The following DACH1 variants were observed in gnomAD, a reference collection of about 807,000 sequenced individuals.
DACH1 encodes the protein dachshund homolog 1.
In DACH1, 12 loss-of-function variants were observed where a neutral mutation model predicts 54.2. That is an observed-to-expected ratio of 0.22 (90% confidence interval 0.14 to 0.36). The LOEUF is 0.36. Ranked by LOEUF, DACH1 falls within the 10% of genes least tolerant of loss-of-function variation. The pLI is 1.00. For synonymous variants in DACH1, 386 were observed against 366.2 expected (o/e 1.05, Z -0.62); for missense variants, 805 against 929.8 (o/e 0.87, Z 1.75).
At chr13:71,864,161 T>C (rs1269294459) in intron 1 of DACH1, among the ~76,000 whole-genome samples, 1 of 128,518 alleles carries the variant, frequency 7.8e-6, no homozygotes, top group Non-Finnish European at 1.6e-5. Flanking sequence ...GTCCATACTT[T>C]TGAGCGCGCG....
intron 1 of DACH1, among the ~76,000 whole-genome samples, chr13:71,730,975 T>G (rs1375632149): frequency 6.6e-6 from 1 of 152,038 alleles, no homozygotes; most frequent in African/African-American, 2.4e-5. Context: ...ATATTTTAAT[T>G]TATATTTTTT....
chr13:71,548,311 T>C (rs1168859477), intron 6 of DACH1, among the ~76,000 whole-genome samples: 1 of 152,188 alleles, frequency 6.6e-6, no homozygotes, highest in Admixed American at 6.5e-5. Context: ...TCAAAATATA[T>C]GCAGTTTCAG....
intron 1 of DACH1, among the ~76,000 whole-genome samples, chr13:71,810,946 C>T (rs1307769776): frequency 1.3e-5 from 2 of 152,044 alleles, no homozygotes; most frequent in African/African-American, 4.8e-5. Flanking sequence ...ACCAATATCC[C>T]AGCTCAACAG....
chr13:71,619,806 G>C (rs1048676292), intron 3 of DACH1, among the ~76,000 whole-genome samples: 4 of 151,786 alleles, frequency 2.6e-5, no homozygotes, highest in African/African-American at 7.2e-5. Flanking sequence ...ATCAAGTAAG[G>C]ATTCTAAACA....
rs182984834 is a variant in DACH1, at chr13:71,438,261, C to G, written c.*2394G>C. ...TTCTGTTCCAAGGGCTTGCATAGAG[C>G]GCAAATGTGGTTATAATATAGAACA... On this transcript the variant is annotated 3_prime_UTR_variant, in exon 11 of 11. Transcript: ENST00000613252. 2 of 152,120 alleles carry G rather than the reference C, an allele frequency of 1.3e-5. No individual in the cohort carries two copies. Among genetic ancestry groups the G allele is most frequent in the African/African-American group, 2.4e-5 (1 of 41,350 alleles). 9.4% of individuals were successfully genotyped at this position (152,120 alleles called of 1,614,324 possible). A position where few individuals can be genotyped will look rare whatever the true frequency, so the allele number is the denominator to read the frequency against.
chr13:71,652,268 T>C (rs2138626040), intron 2 of DACH1, among the ~76,000 whole-genome samples: 1 of 152,224 alleles, frequency 6.6e-6, no homozygotes, highest in Non-Finnish European at 1.5e-5. Context: ...ATCGTTACTG[T>C]CCCTTTATCT....
chr13:71,633,539 A>C (rs1877257393), intron 2 of DACH1, among the ~76,000 whole-genome samples: 2 of 152,054 alleles, frequency 1.3e-5, no homozygotes, highest in Admixed American at 1.3e-4. Flanking sequence ...TTATTTTTCT[A>C]TGACAGCTTT....
intron 1 of DACH1, among the ~76,000 whole-genome samples, chr13:71,791,086 A>G (rs1039098824): frequency 6.6e-6 from 1 of 152,210 alleles, no homozygotes; most frequent in Non-Finnish European, 1.5e-5. Context: ...ACTTCCCAAG[A>G]TAGCATTTCT....
chr13:71,796,703 G>A (rs1255790726), intron 1 of DACH1, among the ~76,000 whole-genome samples: 1 of 152,008 alleles, frequency 6.6e-6, no homozygotes, highest in Non-Finnish European at 1.5e-5. Context: ...AAATCACATA[G>A]AGACACATCA....
At chr13:71,721,751 TATC>T (rs1883238465) in intron 1 of DACH1, among the ~76,000 whole-genome samples, 1 of 152,244 alleles carries the variant, frequency 6.6e-6, no homozygotes, top group South Asian at 2.1e-4. Flanking sequence ...GAAATCCTCA[TATC>T]ATTTTTTCTT....
chr13:71,550,400 A>T (rs9592801), intron 6 of DACH1, among the ~76,000 whole-genome samples: 4,023 of 152,262 alleles, frequency 0.026, 64 homozygotes, highest in Middle Eastern at 0.075. Context: ...ACTAGTGGAT[A>T]GGAAGGCATA....
At chr13:71,767,598 A>G (rs1885693743) in intron 1 of DACH1, among the ~76,000 whole-genome samples, 1 of 152,060 alleles carries the variant, frequency 6.6e-6, no homozygotes, top group Non-Finnish European at 1.5e-5. Context: ...CAAGACTCCA[A>G]ATTTATTATA....
Position 71,645,717 on chromosome 13 carries a change from G to C in DACH1, c.965-15000C>G, listed in dbSNP as rs574788806. On this transcript the variant is annotated intron_variant, in intron 2 of 10. Transcript: ENST00000613252. ...AATTGTAACATTGTGAAACTAAAACGCTGAAAGAACGTGCTCATGCCTGCA... is the reference window on the plus strand; with the variant it reads ...AATTGTAACATTGTGAAACTAAAACCCTGAAAGAACGTGCTCATGCCTGCA... 2.6e-5 allele frequency among the ~76,000 whole-genome samples: 4 copies of C among 152,148 alleles called. No homozygotes were observed. In the South Asian group the frequency reaches 6.2e-4, roughly 24 times the overall value.
intron 1 of DACH1, among the ~76,000 whole-genome samples, chr13:71,732,253 T>C (rs903420101): frequency 6.6e-6 from 1 of 152,092 alleles, no homozygotes; most frequent in African/African-American, 2.4e-5. Flanking sequence ...CTGTCCTAGT[T>C]CAGCAGTTAG....
Position 71,439,237 on chromosome 13 carries a change from C to T in DACH1, c.*1418G>A, listed in dbSNP as rs1421641143. ...GTATAGTGACCGTACTGATTCATAT[C>T]AGTCTTTAAAGGTGTAATTCCAGAT... On this transcript the variant is annotated 3_prime_UTR_variant, in exon 11 of 11. Transcript: ENST00000613252. 2.6e-5 allele frequency: 4 copies of T among 152,508 alleles called. No homozygotes were observed. The highest frequency in any genetic ancestry group is 4.8e-5 in the African/African-American group (2 of 41,546). 9.4% of individuals were successfully genotyped at this position (152,508 alleles called of 1,614,324 possible). A position where few individuals can be genotyped will look rare whatever the true frequency, so the allele number is the denominator to read the frequency against.
In DACH1 at chr13:71,456,234, A is replaced by T. The variant is rs1593720891; in HGVS notation, c.2084-15542T>A. On this transcript the variant is annotated intron_variant, in intron 10 of 10. Transcript: ENST00000613252. ...AAACACAAAAACTCTACAACTAAAC[A>T]TGCAAAGTATATTATAATAAATGTG... Among the ~76,000 whole-genome samples, 6 of 152,136 alleles carry T rather than the reference A, an allele frequency of 3.9e-5. No individual in the cohort carries two copies. In the East Asian group the frequency reaches 1.2e-3, roughly 29 times the overall value.
At chr13:71,661,769 C>T (rs1187514081) in intron 2 of DACH1, among the ~76,000 whole-genome samples, 3 of 151,816 alleles carry the variant, frequency 2.0e-5, no homozygotes, top group Non-Finnish European at 4.4e-5. Flanking sequence ...AGAGAGTACT[C>T]AAGGCATTTC....
intron 2 of DACH1, among the ~76,000 whole-genome samples, chr13:71,638,538 A>C (rs906243707): frequency 6.6e-6 from 1 of 152,196 alleles, no homozygotes; most frequent in African/African-American, 2.4e-5. Flanking sequence ...AGTTTGTTTC[A>C]GTCATAAATG....
At chr13:71,710,055 T>C (rs927277660) in intron 1 of DACH1, among the ~76,000 whole-genome samples, 1 of 152,102 alleles carries the variant, frequency 6.6e-6, no homozygotes, top group Admixed American at 6.5e-5. Context: ...CACCATGTTG[T>C]CTAGGCTTAC....
Sources: gnomAD v4.1 joint callset for allele counts (sites outside exome capture counted in the v4.1 genomes callset) on GRCh38, gnomAD v4.1.1 for gene constraint, MANE v1.5 for transcripts, NCBI Gene and HGNC (gene_info 2026-07-23, HGNC 2026-07-21) for gene names.